Variants in RAB3IP observed in about 807,000 individuals in gnomAD.
RAB3IP encodes rab-3A-interacting protein.
In RAB3IP, 36 loss-of-function variants were observed where a neutral mutation model predicts 59.1. That is an observed-to-expected ratio of 0.61 (90% CI 0.47 to 0.80). RAB3IP has a LOEUF of 0.80. RAB3IP is among the 30% of genes least tolerant of loss of function. The pLI, the probability that RAB3IP is intolerant of heterozygous loss-of-function variation, is 0.00. For synonymous variants in RAB3IP, 207 were observed against 191.2 expected, an observed-to-expected ratio of 1.08 and a Z score of -0.68; for missense variants, 511 against 536.0, an observed-to-expected ratio of 0.95 and a Z score of 0.46.
At chr12:69,793,979 A>G (rs1447331425) in intron 4 of RAB3IP, among the ~76,000 whole-genome samples, 2 of 152,194 alleles carry the variant, frequency 1.3e-5, no homozygotes, top group African/African-American at 4.8e-5. Flanking sequence ...GAATGTTTTT[A>G]TTGAAAGCTC....
chr12:69,805,881 T>C (rs573772337), intron 8 of RAB3IP, among the ~76,000 whole-genome samples: 4,197 of 151,836 alleles, frequency 0.028, 191 homozygotes, highest in African/African-American at 0.096. Flanking sequence ...TTTTGATGTG[T>C]TGCTGGATTC....
intron 1 of RAB3IP, among the ~76,000 whole-genome samples, chr12:69,743,890 A>G (rs1014362670): frequency 4.0e-5 from 6 of 149,264 alleles, no homozygotes; most frequent in African/African-American, 1.5e-4. Context: ...GTCAGTGCGT[A>G]TTTCAGCACC....
At chr12:69,813,939 CAT>C (rs1880820468) in intron 10 of RAB3IP, among the ~76,000 whole-genome samples, 1 of 152,106 alleles carries the variant, frequency 6.6e-6, no homozygotes, top group African/African-American at 2.4e-5. Flanking sequence ...TGAAAAATGT[CAT>C]ATTTCTTTAA....
intron 4 of RAB3IP, among the ~76,000 whole-genome samples, chr12:69,786,807 ATAAG>A (rs1270769215): frequency 3.9e-5 from 6 of 151,984 alleles, no homozygotes; most frequent in Non-Finnish European, 7.4e-5. Context: ...GCAATAGGCA[ATAAG>A]TGAAAAAGCA....
intron 1 of RAB3IP, chr12:69,739,756 CG>C (rs1416139350): frequency 7.0e-7 from 1 of 1,435,082 alleles, no homozygotes; most frequent in Non-Finnish European, 9.8e-7. Flanking sequence ...GTTGACAACT[CG>C]CCCCGACCGC....
At chr12:69,760,583 TTTG>T (rs200258743) in intron 3 of RAB3IP, among the ~76,000 whole-genome samples, 4,408 of 152,336 alleles carry the variant, frequency 0.029, 80 homozygotes, top group Non-Finnish European at 0.044. Flanking sequence ...CTTTTACATT[TTTG>T]TTGTGCATGT....
At chr12:69,764,235 G>A (rs888129893) in intron 3 of RAB3IP, among the ~76,000 whole-genome samples, 3 of 152,016 alleles carry the variant, frequency 2.0e-5, no homozygotes, top group African/African-American at 7.3e-5. Flanking sequence ...GATTCTTATG[G>A]CTTATTCCTA....
At chr12:69,749,242 C>A (rs923959231) in intron 1 of RAB3IP, among the ~76,000 whole-genome samples, 2 of 152,156 alleles carry the variant, frequency 1.3e-5, no homozygotes, top group Non-Finnish European at 2.9e-5. Flanking sequence ...CATAGGAGTG[C>A]GAACCGTATT....
chr12:69,751,492 G>T (rs963939488), intron 1 of RAB3IP, among the ~76,000 whole-genome samples: 1 of 152,100 alleles, frequency 6.6e-6, no homozygotes, highest in African/African-American at 2.4e-5. Context: ...GATAAACTTA[G>T]AATTTTTTTT....
Position 69,820,874 on chromosome 12 carries a change from AAC to A in RAB3IP, c.*5429_*5430del, listed in dbSNP as rs1491034444. The A allele has an allele frequency of 6.6e-6, 1 of 151,718 alleles. No individual in the cohort carries two copies. The highest frequency in any genetic ancestry group is 1.5e-5 in the Non-Finnish European group (1 of 68,104). 9.4% of individuals were successfully genotyped at this position (151,718 alleles called of 1,614,324 possible). ...ACTCCGTCTGAAAAAAAAAAAAAAA[AAC>A]CCAAACTCAATAGAAAATCAAGTTT... On this transcript the variant is annotated 3_prime_UTR_variant, in exon 11 of 11. Transcript: ENST00000247833.
chr12:69,772,768 GTTC>G (rs1338486251), intron 3 of RAB3IP, among the ~76,000 whole-genome samples: 1 of 152,062 alleles, frequency 6.6e-6, no homozygotes. Context: ...AAGTATTACA[GTTC>G]TTATTTTTAA....
chr12:69,789,016 G>T (rs766916727), intron 4 of RAB3IP, among the ~76,000 whole-genome samples: 4 of 151,808 alleles, frequency 2.6e-5, no homozygotes, highest in Non-Finnish European at 5.9e-5. Flanking sequence ...AAAACACAAC[G>T]TACCAAAACT....
intron 4 of RAB3IP, among the ~76,000 whole-genome samples, chr12:69,792,800 T>G (rs1330365505): frequency 6.6e-6 from 1 of 152,190 alleles, no homozygotes; most frequent in Non-Finnish European, 1.5e-5. Context: ...TAAGTTTACT[T>G]CACTATTTTG....
At chr12:69,748,344 C>T (rs1426984282) in intron 1 of RAB3IP, among the ~76,000 whole-genome samples, 1 of 152,088 alleles carries the variant, frequency 6.6e-6, no homozygotes, top group African/African-American at 2.4e-5. Flanking sequence ...TAAAAATTCA[C>T]TTTAATTAGA....
chr12:69,779,217 G>T (rs887533396), intron 3 of RAB3IP: 1 of 143,532 alleles, frequency 7.0e-6, no homozygotes, highest in African/African-American at 2.6e-5. Flanking sequence ...CTCGGAAAGG[G>T]AACTCCCTGA....
At chr12:69,784,290 C>T (rs985608209) in intron 3 of RAB3IP, among the ~76,000 whole-genome samples, 1 of 151,324 alleles carries the variant, frequency 6.6e-6, no homozygotes, top group Non-Finnish European at 1.5e-5. Context: ...CATGAAGTTA[C>T]CTATAAGTAA....
At chr12:69,766,279 G>A (rs1872179506) in intron 3 of RAB3IP, among the ~76,000 whole-genome samples, 1 of 152,018 alleles carries the variant, frequency 6.6e-6, no homozygotes, top group African/African-American at 2.4e-5. Flanking sequence ...CTTCTTCTTA[G>A]GAATGCCAAT....
intron 4 of RAB3IP, among the ~76,000 whole-genome samples, chr12:69,792,650 TGTCATC>T (rs1876819802): frequency 6.6e-6 from 1 of 152,186 alleles, no homozygotes; most frequent in African/African-American, 2.4e-5. Context: ...AAATTCTGCA[TGTCATC>T]TTTTTAGCAA....
chr12:69,749,390 A>C (rs1300788999), intron 1 of RAB3IP, among the ~76,000 whole-genome samples: 3 of 152,170 alleles, frequency 2.0e-5, no homozygotes, highest in Admixed American at 6.5e-5. Flanking sequence ...ATTGTCTTCC[A>C]CGAAACTGGT....
Sources: gnomAD v4.1 joint callset for allele counts (sites outside exome capture counted in the v4.1 genomes callset) on GRCh38, gnomAD v4.1.1 for gene constraint, MANE v1.5 for transcripts, NCBI Gene and HGNC (gene_info 2026-07-23, HGNC 2026-07-21) for gene names.